Variants in PCM1 observed in about 807,000 individuals in gnomAD.
PCM1 encodes pericentriolar material 1 protein.
Under a neutral mutation model 241.9 loss-of-function variants are expected in PCM1, and 157 were observed. The observed-to-expected ratio is 0.65, with a 90% CI of 0.57 to 0.74. PCM1 has a LOEUF of 0.74. PCM1 is among the 30% of genes least tolerant of loss of function. The pLI is 0.00. For missense variants in PCM1, 3,478 were observed against 2,360.1 expected, an observed-to-expected ratio of 1.47 and a Z score of -9.81; for synonymous variants, 1,085 against 784.9, an observed-to-expected ratio of 1.38 and a Z score of -6.39.
intron 6 of PCM1, among the ~76,000 whole-genome samples, chr8:17,945,811 T>C (rs2063585466): frequency 6.6e-6 from 1 of 152,098 alleles, no homozygotes; most frequent in Admixed American, 6.5e-5. Flanking sequence ...AAAAGAAATC[T>C]TTGAACTTCT....
At chr8:17,948,310 T>A (rs2064629911) in intron 7 of PCM1, among the ~76,000 whole-genome samples, 1 of 142,344 alleles carries the variant, frequency 7.0e-6, no homozygotes, top group Non-Finnish European at 1.5e-5. Flanking sequence ...TTTTTTTTTT[T>A]TTTTTTTTTT....
At position 17,969,697 on chromosome 8, in the gene PCM1, C is replaced by G. The variant is rs1277728909; in HGVS notation, c.3533C>G (p.Ala1178Gly). 2 of 1,612,750 alleles carry G rather than the reference C, an allele frequency of 1.2e-6. No homozygotes were observed. The highest frequency in any genetic ancestry group is 2.2e-5 in the East Asian group (1 of 44,824). Residue 1178 changes from alanine (A) to glycine (G), a missense_variant, in exon 22 of 39, where the codon GCT becomes GGT. By Grantham distance (60) the Ala-to-Gly change is moderately conservative (BLOSUM62 0). Coordinates refer to ENST00000325083, the MANE Select transcript of PCM1 (RefSeq NM_006197.4). The stretch of plus-strand genomic sequence containing the variant: ...TCTTCAGGAAAAACAGAATATATGG[C>G]TTTTCCAAAACCTTTTGAAAGCAGT... ...QNSSGKTEYM[A>G]FPKPFESSSS...
At chr8:17,956,532 A>G (rs751324783) in intron 10 of PCM1, 72 bp from the exon 11 acceptor site, 9 of 912,792 alleles carry the variant, frequency 9.9e-6, no homozygotes, top group Non-Finnish European at 1.5e-5. Flanking sequence ...AGCTGCTATG[A>G]TATGAAAATA....
At position 18,001,015 on chromosome 8, in the gene PCM1, C is replaced by T. The variant is rs557450928; in HGVS notation, c.4828-5248C>T. 2.0e-5 allele frequency among the ~76,000 whole-genome samples: 3 copies of T among 152,250 alleles called. No individual in the cohort carries two copies. In the South Asian group the frequency reaches 6.2e-4, roughly 32 times the overall value. On this transcript the variant is annotated intron_variant, in intron 29 of 38. Transcript: ENST00000325083. ...AATTCCAGGCACAGCTGGAGATAGA[C>T]ATAAGGTAGATTATAGCATATAGCT...
At chr8:17,963,027 C>A in intron 16 of PCM1, 74 bp from the exon 17 acceptor site, 1 of 1,010,942 alleles carries the variant, frequency 9.9e-7, no homozygotes, top group Non-Finnish European at 1.5e-6. Flanking sequence ...ACTGACAATA[C>A]TAGTAGTCTT....
Position 17,993,512 on chromosome 8 carries a change from C to A in PCM1, c.4720C>A (p.Gln1574Lys), listed in dbSNP as rs890995272. Reference sequence around the variant, plus strand: ...TCCCGTTATTGAAAATCGTAGTTCACAACAACCTGTAAGTGAAGTTTCTAC... The same window carrying A: ...TCCCGTTATTGAAAATCGTAGTTCAAAACAACCTGTAAGTGAAGTTTCTAC... ...ETPVIENRSSQQPVSEVSTIP... is the reference protein window; with the variant it reads ...ETPVIENRSSKQPVSEVSTIP... Residue 1574 changes from glutamine (Q) to lysine (K), a missense_variant, in exon 29 of 39, where the codon CAA (glutamine) becomes AAA (lysine). Gln to Lys is a moderately conservative substitution (Grantham distance 53). Coordinates refer to ENST00000325083, the MANE Select transcript of PCM1 (RefSeq NM_006197.4). The A allele has an allele frequency of 6.6e-5, 105 of 1,580,520 alleles. No homozygotes were observed. The highest frequency in any genetic ancestry group is 8.8e-5 in the Non-Finnish European group (103 of 1,164,072).
At chr8:18,015,056 AC>A (rs2092992295) in intron 36 of PCM1, among the ~76,000 whole-genome samples, 1 of 152,196 alleles carries the variant, frequency 6.6e-6, no homozygotes, top group Non-Finnish European at 1.5e-5. Flanking sequence ...AATTTTGAGA[AC>A]CAAAGGGATA....
intron 8 of PCM1, among the ~76,000 whole-genome samples, chr8:17,952,173 A>G (rs984313075): frequency 1.3e-5 from 2 of 152,026 alleles, no homozygotes; most frequent in African/African-American, 4.8e-5. Flanking sequence ...CAGTGAGTTG[A>G]GATCACGCCA....
chr8:17,957,219 T>A, intron 11 of PCM1, 45 bp from the exon 12 acceptor site: 2 of 1,485,404 alleles, frequency 1.3e-6, no homozygotes, highest in Non-Finnish European at 1.8e-6. Context: ...TCTTTCTCTC[T>A]TTTTTTGTGC....
intron 36 of PCM1, among the ~76,000 whole-genome samples, 152 bp downstream of exon 36, chr8:18,014,992 A>C (rs1336585154): frequency 6.6e-6 from 1 of 152,234 alleles, no homozygotes; most frequent in Non-Finnish European, 1.5e-5. Context: ...TAACTTTAGC[A>C]GAAGGGTAAT....
intron 29 of PCM1, 133 bp from the exon 30 acceptor site, chr8:18,006,130 A>G (rs2091251544): frequency 1.4e-6 from 1 of 725,824 alleles, no homozygotes; most frequent in Admixed American, 3.2e-5. Context: ...GGATATTTCT[A>G]AACAGACATC....
chr8:18,026,932 G>A (rs2094268821), intron 38 of PCM1, among the ~76,000 whole-genome samples: 1 of 152,172 alleles, frequency 6.6e-6, no homozygotes, highest in South Asian at 2.1e-4. Flanking sequence ...TACCTTCTCT[G>A]AGGTTGCTTC....
At position 17,972,436 on chromosome 8, in the gene PCM1, C is replaced by G; in HGVS notation, c.3692C>G (p.Ser1231Cys). 6.2e-7 allele frequency: 1 copy of G among 1,612,790 alleles called. No homozygotes were observed. Among genetic ancestry groups the G allele is most frequent in the South Asian group, 1.1e-5 (1 of 90,924 alleles). The change falls in exon 23 of 39, where the codon TCT becomes TGT. Residue 1231 changes from serine (S) to cysteine (C), a missense_variant. Coordinates refer to ENST00000325083, the MANE Select transcript of PCM1 (RefSeq NM_006197.4). ...TTTATCAAGACTGGATTTTCAGTGT[C>G]TGTAGAAAAATCTACAAGTAGTAAC... is the stretch of plus-strand genomic sequence containing the variant. ...KPFIKTGFSV[S>C]VEKSTSSNRK...
chr8:18,014,025 C>G lies in PCM1; in HGVS notation c.5573C>G (p.Ala1858Gly). Residue 1858 changes from alanine to glycine, a missense_variant, in exon 35 of 39, where the codon GCC becomes GGC. Coordinates refer to ENST00000325083, the MANE Select transcript of PCM1 (RefSeq NM_006197.4). ...ESKNVPLEREATSKNDQNNCP... is the reference protein window; with the variant it reads ...ESKNVPLEREGTSKNDQNNCP... Reference sequence around the variant, plus strand: ...AAAAATGTCCCATTGGAACGAGAAGCCACTAGTAAAAGTAAGAAATCTAAA... The same window carrying G: ...AAAAATGTCCCATTGGAACGAGAAGGCACTAGTAAAAGTAAGAAATCTAAA... 1 of 1,586,632 alleles carries G rather than the reference C, an allele frequency of 6.3e-7. No homozygotes were observed. Among genetic ancestry groups the G allele is most frequent in the African/African-American group, 1.4e-5 (1 of 73,532 alleles).
At chr8:17,974,857 GCACACACACACACA>G (rs60355433) in intron 23 of PCM1, among the ~76,000 whole-genome samples, 7 of 133,272 alleles carry the variant, frequency 5.3e-5, no homozygotes, top group South Asian at 2.7e-4. Flanking sequence ...CCACTTTAAG[GCACACACACACACA>G]CACACACACA....
intron 14 of PCM1, 62 bp downstream of exon 14, chr8:17,960,227 G>A: frequency 3.2e-6 from 5 of 1,553,940 alleles, no homozygotes; most frequent in Non-Finnish European, 4.4e-6. Flanking sequence ...TTTGGAGAAG[G>A]TGCTCAGCTA....
intron 30 of PCM1, among the ~76,000 whole-genome samples, chr8:18,008,437 T>C (rs2129484803): frequency 6.6e-6 from 1 of 152,152 alleles, no homozygotes. Flanking sequence ...TTTCACTATA[T>C]GTTACAGTGT....
rs534232798 is a variant in PCM1 at position 17,937,955 on chromosome 8, CTATT to C, written c.342+580_342+583del. ...ATGATCATGTATCATTTATTTATAT[CTATT>C]TATCAATTATTGAACACTTAACTGT... On this transcript the variant is annotated intron_variant, in intron 4 of 38. Transcript: ENST00000325083. Among the ~76,000 whole-genome samples the C allele has an allele frequency of 2.6e-5, 4 of 152,226 alleles. No individual in the cohort carries two copies. In the East Asian group the frequency reaches 7.7e-4, roughly 29 times the overall value.
Position 17,969,698 on chromosome 8 carries a change from T to C in PCM1, c.3534T>C (p.Ala1178=), listed in dbSNP as rs201892970. ...CTTCAGGAAAAACAGAATATATGGC[T>C]TTTCCAAAACCTTTTGAAAGCAGTT... is the stretch of plus-strand genomic sequence containing the variant. ...QNSSGKTEYM[A]FPKPFESSSS... The change falls in exon 22 of 39, where the codon GCT becomes GCC. Residue 1178 remains alanine (A), a synonymous_variant. Transcript: ENST00000325083. 6.2e-7 allele frequency: 1 copy of C among 1,613,002 alleles called. No individual in the cohort carries two copies. The highest frequency in any genetic ancestry group is 8.5e-7 in the Non-Finnish European group (1 of 1,179,350).
Sources: allele counts gnomAD v4.1 joint callset (sites outside exome capture counted in the v4.1 genomes callset), GRCh38; gene constraint gnomAD v4.1.1; transcripts MANE v1.5; gene names NCBI Gene and HGNC (gene_info 2026-07-23, HGNC 2026-07-21).